Variants in CTSC observed in about 807,000 individuals in gnomAD.
The protein encoded by CTSC is dipeptidyl peptidase 1.
A neutral mutation model predicts 40.9 loss-of-function variants in CTSC; 37 were observed. The observed-to-expected ratio is 0.91, with a 90% confidence interval of 0.70 to 1.19. The LOEUF (loss-of-function observed/expected upper bound fraction) is 1.19. CTSC is among the 50% of genes most tolerant of loss of function. The pLI is 0.00. For missense variants in CTSC, 594 were observed against 567.3 expected, an observed-to-expected ratio of 1.05 and a Z score of -0.48; for synonymous variants, 232 against 207.4, an observed-to-expected ratio of 1.12 and a Z score of -1.02.
intron 1 of CTSC, 140 bp from the exon 2 acceptor site, chr11:88,335,222 C>G: frequency 1.5e-6 from 1 of 667,802 alleles, no homozygotes; most frequent in Non-Finnish European, 2.6e-6. Flanking sequence ...AGTGAAGAAA[C>G]CAGAGGCTCC....
At chr11:88,330,741 T>G (rs1938329375) in intron 2 of CTSC, among the ~76,000 whole-genome samples, 1 of 152,238 alleles carries the variant, frequency 6.6e-6, no homozygotes, top group Non-Finnish European at 1.5e-5. Flanking sequence ...TTCCAAACTT[T>G]TATCTAGCTT....
At chr11:88,297,255 A>G (rs1445305509) in intron 5 of CTSC, 2 of 152,240 alleles carry the variant, frequency 1.3e-5, no homozygotes, top group African/African-American at 4.8e-5. Flanking sequence ...AACCATGCAG[A>G]TGATACTATC....
chr11:88,319,037 G>A (rs1446404458), intron 2 of CTSC, among the ~76,000 whole-genome samples: 1 of 152,168 alleles, frequency 6.6e-6, no homozygotes, highest in African/African-American at 2.4e-5. Flanking sequence ...CAGTGTGCTA[G>A]TAAGTCCCTA....
chr11:88,329,228 T>C (rs1938273272), intron 2 of CTSC, among the ~76,000 whole-genome samples: 1 of 152,086 alleles, frequency 6.6e-6, no homozygotes. Flanking sequence ...ACACCTGTAA[T>C]CCCAGCACTT....
At chr11:88,325,270 G>A in intron 2 of CTSC, 1 of 985,354 alleles carries the variant, frequency 1.0e-6, no homozygotes, top group Non-Finnish European at 1.2e-6. Flanking sequence ...ACTACAAACT[G>A]AAGGAGAAGG....
intron 4 of CTSC, among the ~76,000 whole-genome samples, chr11:88,305,523 A>C (rs1291433767): frequency 6.6e-6 from 1 of 152,218 alleles, no homozygotes; most frequent in Non-Finnish European, 1.5e-5. Context: ...AAAGCTCTAG[A>C]TTCAGAAATG....
intron 2 of CTSC, chr11:88,326,011 T>TA (rs1938172356): frequency 9.6e-7 from 1 of 1,036,694 alleles, no homozygotes; most frequent in South Asian, 4.2e-5. Flanking sequence ...AAACAAAACA[T>TA]ACACTTCAAA....
intron 4 of CTSC, among the ~76,000 whole-genome samples, chr11:88,303,641 T>G (rs76116531): frequency 0.047 from 7,114 of 152,272 alleles, 214 homozygotes; most frequent in East Asian, 0.1. Flanking sequence ...ATCTGGAAGC[T>G]CTCTGCACCC....
chr11:88,332,118 T>G (rs1422119723), intron 2 of CTSC, among the ~76,000 whole-genome samples: 4 of 152,172 alleles, frequency 2.6e-5, no homozygotes, highest in Non-Finnish European at 4.4e-5. Flanking sequence ...TCCAATTGAT[T>G]TGTAGGATAA....
At chr11:88,320,978 A>C in intron 2 of CTSC, 2 of 985,262 alleles carry the variant, frequency 2.0e-6, no homozygotes, top group Non-Finnish European at 2.4e-6. Flanking sequence ...ATGACACAGA[A>C]TACTAAGCCT....
At chr11:88,299,857 T>C (rs1012998239) in intron 5 of CTSC, 1 of 152,206 alleles carries the variant, frequency 6.6e-6, no homozygotes, top group Non-Finnish European at 1.5e-5. Context: ...ACAAGATAAT[T>C]TGCTATCAAG....
chr11:88,326,168 C>T (rs1331700312), intron 2 of CTSC: 3 of 1,323,872 alleles, frequency 2.3e-6, no homozygotes, highest in Non-Finnish European at 2.9e-6. Context: ...TTTTTCCTTT[C>T]TCCTGTGTAG....
intron 2 of CTSC, 56 bp from the exon 3 acceptor site, chr11:88,312,610 T>C: frequency 6.3e-7 from 1 of 1,594,082 alleles, no homozygotes; most frequent in Admixed American, 1.7e-5. Context: ...AAATTTCAGG[T>C]CCATTTCCAT....
intron 3 of CTSC, among the ~76,000 whole-genome samples, chr11:88,311,577 C>A (rs750489298): frequency 5.3e-5 from 8 of 152,144 alleles, no homozygotes; most frequent in South Asian, 2.1e-4. Context: ...TTTAATTTAA[C>A]AGTAAACATT....
rs536909696 is a variant in CTSC at position 88,332,112 on chromosome 11, A to G, written c.318+2825T>C. On this transcript the variant is annotated intron_variant, in intron 2 of 6. Transcript: ENST00000227266. Reference sequence around the variant, plus strand: ...GTCAGTGGAGAGGCGTGAAAATCCAATTGATTTGTAGGATAACAACAACGA... The same window carrying G: ...GTCAGTGGAGAGGCGTGAAAATCCAGTTGATTTGTAGGATAACAACAACGA... 4.6e-5 allele frequency among the ~76,000 whole-genome samples: 7 copies of G among 152,330 alleles called. No individual in the cohort carries two copies. The South Asian group carries it at 1.2e-3, about 27-fold the overall frequency.
At position 88,335,325 on chromosome 11, in the gene CTSC, C is replaced by T. The variant is rs1591247437; in HGVS notation, c.173-243G>A. ...TAATGCAAGCAGAAGCAGTGGCTCACGCCTGTAATCCTAGCACTTTGCGGG... is the reference window on the plus strand; with the variant it reads ...TAATGCAAGCAGAAGCAGTGGCTCATGCCTGTAATCCTAGCACTTTGCGGG... On this transcript the variant is annotated intron_variant, in intron 1 of 6. Coordinates refer to ENST00000227266, the MANE Select transcript of CTSC (RefSeq NM_001814.6). Among the ~76,000 whole-genome samples the T allele has an allele frequency of 2.6e-5, 4 of 152,130 alleles. No homozygotes were observed. The South Asian group carries it at 6.2e-4, about 24-fold the overall frequency.
At chr11:88,330,223 T>C (rs993300117) in intron 2 of CTSC, among the ~76,000 whole-genome samples, 12 of 152,212 alleles carry the variant, frequency 7.9e-5, no homozygotes, top group Non-Finnish European at 1.3e-4. Flanking sequence ...GATTACTCCT[T>C]ATTAGTTTAC....
At chr11:88,317,354 T>A (rs572343743) in intron 2 of CTSC, among the ~76,000 whole-genome samples, 1 of 152,378 alleles carries the variant, frequency 6.6e-6, no homozygotes, top group East Asian at 1.9e-4. Flanking sequence ...TTTGTTTTTG[T>A]TGTTATAACT....
chr11:88,294,367 T>A lies in CTSC; in HGVS notation c.1031A>T (p.Glu344Val). 6.2e-7 allele frequency: 1 copy of A among 1,614,154 alleles called. No homozygotes were observed. Among genetic ancestry groups the A allele is most frequent in the African/African-American group, 1.3e-5 (1 of 75,056 alleles). The part of the protein sequence containing the change: ...KEDCFRYYSS[E>V]YHYVGGFYGG... Reference sequence around the variant, plus strand: ...ATAGAAACCTCCTACATAGTGGTACTCAGAGGAGTAATAACGAAAGCAGTC... The same window carrying A: ...ATAGAAACCTCCTACATAGTGGTACACAGAGGAGTAATAACGAAAGCAGTC... The change falls in exon 7 of 7, where the codon GAG becomes GTG. Residue 344 changes from glutamate to valine, a missense_variant. Transcript: ENST00000227266.
Sources: gnomAD v4.1 joint callset for allele counts (sites outside exome capture counted in the v4.1 genomes callset) on GRCh38, gnomAD v4.1.1 for gene constraint, MANE v1.5 for transcripts, NCBI Gene and HGNC (gene_info 2026-07-23, HGNC 2026-07-21) for gene names.